Variants in BLTP2 observed in about 807,000 individuals in gnomAD.
BLTP2 encodes U937-associated antigen.
the BLTP2 span, chr17:28,618,662 T>C: frequency 1.4e-6 from 1 of 697,644 alleles, no homozygotes; most frequent in Non-Finnish European, 2.4e-6. Context: ...TCGTTAATAT[T>C]AATGATACTA....
At chr17:28,634,013 G>A in the BLTP2 span, 354 of 1,613,974 alleles carry the variant, frequency 2.2e-4, no homozygotes, top group Non-Finnish European at 2.8e-4. Context: ...CACTCTGCTC[G>A]GTGCCCACAA....
the BLTP2 span, among the ~76,000 whole-genome samples, chr17:28,627,553 C>A: frequency 6.6e-6 from 1 of 152,114 alleles, no homozygotes; most frequent in Non-Finnish European, 1.5e-5. Flanking sequence ...ACTACAAGCA[C>A]CCGCCACCAT....
the BLTP2 span, chr17:28,624,326 T>G: frequency 6.2e-7 from 1 of 1,614,120 alleles, no homozygotes; most frequent in Non-Finnish European, 8.5e-7. Context: ...TCATGCCTGA[T>G]TCCTCTTCTG....
chr17:28,643,348 T>A, the BLTP2 span: 1 of 1,612,432 alleles, frequency 6.2e-7, no homozygotes, highest in Admixed American at 1.7e-5. Flanking sequence ...ACCAGGTCCA[T>A]CCCTCCCATA....
chr17:28,616,877 C>G, the BLTP2 span: 3 of 1,610,636 alleles, frequency 1.9e-6, no homozygotes, highest in Non-Finnish European at 2.5e-6. The surrounding 1 kb of genome is among the most constrained non-coding windows in gnomAD (Gnocchi z 4.8). Context: ...CCCTAAGGGA[C>G]TGCTTACTAA....
chr17:28,631,883 T>C, the BLTP2 span: 37 of 1,614,170 alleles, frequency 2.3e-5, no homozygotes, highest in Non-Finnish European at 1.9e-5. Flanking sequence ...TCAATCTGGA[T>C]GCCCCGTTGC....
the BLTP2 span, chr17:28,615,826 A>G: frequency 6.2e-7 from 1 of 1,612,692 alleles, no homozygotes; most frequent in East Asian, 2.2e-5. Context: ...GGGGAAAGAA[A>G]AAAAGAGGGG....
At chr17:28,616,569 T>C in the BLTP2 span, 2 of 1,613,870 alleles carry the variant, frequency 1.2e-6, no homozygotes, top group Non-Finnish European at 8.5e-7. The surrounding 1 kb of genome is among the most constrained non-coding windows in gnomAD (Gnocchi z 4.8). Context: ...TCAGCTGTCT[T>C]TGGGGTTGCT....
At chr17:28,640,268 C>T in the BLTP2 span, 2 of 505,490 alleles carry the variant, frequency 4.0e-6, no homozygotes, top group Non-Finnish European at 7.0e-6. Context: ...TGGCACGTGC[C>T]TATAATCCCA....
At chr17:28,626,653 GAAGTCTCCATTAAA>G in the BLTP2 span, among the ~76,000 whole-genome samples, 6 of 152,122 alleles carry the variant, frequency 3.9e-5, no homozygotes, top group African/African-American at 1.4e-4. Flanking sequence ...CCTACATAAT[GAAGTCTCCATTAAA>G]AACCCAAAAG....
the BLTP2 span, chr17:28,621,226 A>T: frequency 6.4e-7 from 1 of 1,550,544 alleles, no homozygotes; most frequent in East Asian, 2.2e-5. Flanking sequence ...AGATAATGTG[A>T]GAGCCTCCCA....
the BLTP2 span, chr17:28,639,417 C>T: frequency 1.9e-6 from 3 of 1,613,530 alleles, no homozygotes; most frequent in African/African-American, 2.7e-5. Flanking sequence ...GTGAATGATG[C>T]AAGTGTTCAG....
At chr17:28,642,975 G>T in the BLTP2 span, 1 of 1,587,112 alleles carries the variant, frequency 6.3e-7, no homozygotes, top group Non-Finnish European at 8.7e-7. Flanking sequence ...GCATCTACAT[G>T]AATGGAGAAT....
At chr17:28,617,005 G>C in the BLTP2 span, 1 of 1,601,426 alleles carries the variant, frequency 6.2e-7, no homozygotes, top group Non-Finnish European at 8.5e-7. Flanking sequence ...ACTACCTGTA[G>C]GATAGAGAGT....
chr17:28,638,047 G>C, the BLTP2 span: 6 of 1,614,230 alleles, frequency 3.7e-6, no homozygotes, highest in Non-Finnish European at 5.1e-6. Flanking sequence ...CAAGAAAAAG[G>C]GTATCTGACT....
the BLTP2 span, chr17:28,633,700 C>T: frequency 3.7e-6 from 6 of 1,614,070 alleles, no homozygotes; most frequent in African/African-American, 1.3e-5. Flanking sequence ...AATTAGTGTC[C>T]AGGCTGGATC....
At chr17:28,642,137 A>C in the BLTP2 span, 5 of 1,592,486 alleles carry the variant, frequency 3.1e-6, no homozygotes, top group Non-Finnish European at 4.3e-6. Context: ...TTTAGGTCAA[A>C]ATGTGGTGAT....
At chr17:28,632,269 T>C in the BLTP2 span, 1 of 1,566,364 alleles carries the variant, frequency 6.4e-7, no homozygotes, top group South Asian at 1.2e-5. Flanking sequence ...CATTTCCTAG[T>C]TATGGATGAA....
the BLTP2 span, chr17:28,628,651 T>A: frequency 9.4e-7 from 1 of 1,065,894 alleles, no homozygotes. Context: ...AAGAAACCTG[T>A]TGGCCAGATG....
Sources: gnomAD v4.1 joint callset for allele counts (sites outside exome capture counted in the v4.1 genomes callset) on GRCh38, gnomAD v4.1.1 for gene constraint, Gnocchi (gnomAD v3.1) non-coding constraint, MANE v1.5 for transcripts, NCBI Gene and HGNC (gene_info 2026-07-23, HGNC 2026-07-21) for gene names.